ZNF716: variants seen among roughly 807,000 people sequenced by gnomAD.
The protein encoded by ZNF716 is zinc finger protein 716.
ZNF716 carries 9 observed loss-of-function variants against 13.4 expected under a neutral mutation model. That is an observed-to-expected ratio of 0.67 (90% CI 0.41 to 1.18). The LOEUF (loss-of-function observed/expected upper bound fraction) is 1.18, where lower values mean the gene tolerates loss of function less well. Among genes scored for constraint, ZNF716 ranks in the 50% most tolerant of loss-of-function variants. The pLI, the probability that ZNF716 is intolerant of heterozygous loss-of-function variation, is 0.01. For missense variants in ZNF716, 581 were observed against 576.6 expected (o/e 1.01, Z -0.08); for synonymous variants, 186 against 195.2 (o/e 0.95, Z 0.39).
intron 1 of ZNF716, among the ~76,000 whole-genome samples, chr7:57,458,755 T>C (rs1161559854): frequency 1.3e-5 from 2 of 152,338 alleles, no homozygotes; most frequent in Non-Finnish European, 2.9e-5. Context: ...TAAATAGTTA[T>C]TTAACTATAA....
intron 1 of ZNF716, among the ~76,000 whole-genome samples, chr7:57,462,101 A>ACT (rs1789715583): frequency 6.6e-6 from 1 of 151,824 alleles, no homozygotes; most frequent in Non-Finnish European, 1.5e-5. Flanking sequence ...CGGAGGTTGC[A>ACT]GTGAGCCAAT....
At chr7:57,460,130 G>A (rs1789680757) in intron 1 of ZNF716, among the ~76,000 whole-genome samples, 2 of 152,248 alleles carry the variant, frequency 1.3e-5, no homozygotes, top group Admixed American at 1.3e-4. Flanking sequence ...GCTCACGCCT[G>A]TAATCCGAGC....
chr7:57,464,115 CTTTTTTCTTT>C (rs1264318865), intron 3 of ZNF716, among the ~76,000 whole-genome samples: 1 of 110,240 alleles, frequency 9.1e-6, no homozygotes, highest in Admixed American at 1.1e-4. Context: ...TTGTCCATTT[CTTTTTTCTTT>C]TTTTTTTTTT....
chr7:57,466,838 T>G (rs1339658910), intron 3 of ZNF716, among the ~76,000 whole-genome samples: 1 of 152,112 alleles, frequency 6.6e-6, no homozygotes, highest in East Asian at 1.9e-4. Flanking sequence ...TGCTGCTATT[T>G]TAATTCTTGC....
intron 2 of ZNF716, 54 bp from the exon 3 acceptor site, chr7:57,463,019 G>C (rs1789736046): frequency 1.3e-6 from 2 of 1,591,478 alleles, no homozygotes; most frequent in Admixed American, 1.8e-5. Context: ...TACTTGTTTG[G>C]TAATTAAAGA....
chr7:57,468,399 T>C (rs1402263377), intron 3 of ZNF716, among the ~76,000 whole-genome samples: 1 of 152,172 alleles, frequency 6.6e-6, no homozygotes, highest in Admixed American at 6.5e-5. Flanking sequence ...AAAGCCAGTT[T>C]GCTCCTAAAG....
rs1401844007 is a variant in ZNF716 at position 57,470,335 on chromosome 7, TGTATTTTTA to T, written c.*390_*398del. 3 of 164,830 alleles carry T rather than the reference TGTATTTTTA, an allele frequency of 1.8e-5. No homozygotes were observed. The highest frequency in any genetic ancestry group is 2.6e-5 in the Non-Finnish European group (2 of 75,790). The allele number at this position is 164,830 out of a possible 1,614,324, so 10.2% of individuals were successfully genotyped here. A position where few individuals can be genotyped will look rare whatever the true frequency, so the allele number is the denominator to read the frequency against. On this transcript the variant is annotated 3_prime_UTR_variant, in exon 4 of 4. Coordinates refer to ENST00000420713, the MANE Select transcript of ZNF716 (RefSeq NM_001159279.1). ...ACGTGCAACCACACTGGCTGAGTTTTGTATTTTTAGTAGAGATGGGGTTTCACCATTTTG... is the reference window on the plus strand; with the variant it reads ...ACGTGCAACCACACTGGCTGAGTTTTGTAGAGATGGGGTTTCACCATTTTG...
intron 3 of ZNF716, among the ~76,000 whole-genome samples, chr7:57,465,037 TCTAG>T (rs1317903138): frequency 2.0e-5 from 3 of 152,212 alleles, no homozygotes; most frequent in African/African-American, 4.8e-5. Context: ...TGTGTGTTTC[TCTAG>T]CTATAGTTCA....
chr7:57,464,479 G>A (rs1789770447), intron 3 of ZNF716, among the ~76,000 whole-genome samples: 1 of 52,516 alleles, frequency 1.9e-5, no homozygotes, highest in Non-Finnish European at 3.4e-5. Flanking sequence ...TAGGAGTTAT[G>A]TATTCTCAAT....
In ZNF716 at chr7:57,473,428, G is replaced by C. The variant is rs1338222809; in HGVS notation, c.*3479G>C. The C allele has an allele frequency of 6.6e-6, 1 of 152,102 alleles. No individual in the cohort carries two copies. The highest frequency in any genetic ancestry group is 2.4e-5 in the African/African-American group (1 of 41,390). The allele number at this position is 152,102 out of a possible 1,614,324, so 9.4% of individuals were successfully genotyped here. The stretch of plus-strand genomic sequence containing the variant: ...CCAGTTACTCAGGAGGCTGAGGCAG[G>C]AGAATTGCTTGAACCTCGGAGGTGG... On this transcript the variant is annotated 3_prime_UTR_variant, in exon 4 of 4. Transcript: ENST00000420713.
rs1554325420 is a variant in ZNF716, at chr7:57,472,384, A to G, written c.*2435A>G. The G allele has an allele frequency of 6.6e-6, 1 of 152,174 alleles. No individual in the cohort carries two copies. 9.4% of individuals were successfully genotyped at this position (152,174 alleles called of 1,614,324 possible). A position where few individuals can be genotyped will look rare whatever the true frequency, so the allele number is the denominator to read the frequency against. ...ATTGACTCTATCGTGTCTCATCTTA[A>G]GGTTCTGCGTAAAAGATGGTGACAA... is the stretch of plus-strand genomic sequence containing the variant. On this transcript the variant is annotated 3_prime_UTR_variant, in exon 4 of 4. Transcript: ENST00000420713.
In ZNF716 at chr7:57,460,183, C is replaced by G. The variant is rs1178224337; in HGVS notation, c.40-2277C>G. On this transcript the variant is annotated intron_variant, in intron 1 of 3. Transcript: ENST00000420713. The stretch of plus-strand genomic sequence containing the variant: ...CGGGCAGATCATGAGGTTTGGAGTT[C>G]GAGACGAGCCTGACCAGCCTGACCA... 4.6e-5 allele frequency among the ~76,000 whole-genome samples: 7 copies of G among 151,808 alleles called. No homozygotes were observed. The South Asian group carries it at 1.3e-3, about 27-fold the overall frequency.
chr7:57,468,983 A>G lies in ZNF716; in HGVS notation c.522A>G (p.Arg174=), dbSNP rs782773380. The change falls in exon 4 of 4, where the codon AGA becomes AGG. Residue 174 remains arginine, a synonymous_variant. Coordinates refer to ENST00000420713, the MANE Select transcript of ZNF716 (RefSeq NM_001159279.1). ...TTGGTAAATTTTCAAATTCCAATAG[A>G]CACAAGACAAGACATACTGGAAAGA... ...KVFGKFSNSN[R]HKTRHTGKKH... is the part of the protein sequence containing the mutation. The G allele has an allele frequency of 2.5e-6, 4 of 1,608,226 alleles. No individual in the cohort carries two copies. Among genetic ancestry groups the G allele is most frequent in the Non-Finnish European group, 3.4e-6 (4 of 1,176,764 alleles).
rs1554324902 is a variant in ZNF716 at position 57,469,719 on chromosome 7, T to C, written c.1258T>C (p.Ser420Pro). The part of the protein sequence containing the change: ...CEECGKAFNC[S>P]STLKKHKIIH... ...AGAATGTGGCAAAGCCTTTAACTGC[T>C]CCTCAACCCTTAAGAAACATAAGAT... The change falls in exon 4 of 4, where the codon TCC (serine) becomes CCC (proline). Residue 420 changes from serine (S) to proline (P), a missense_variant. By Grantham distance (74) the Ser-to-Pro change is moderately conservative. Coordinates refer to ENST00000420713, the MANE Select transcript of ZNF716 (RefSeq NM_001159279.1). The C allele has an allele frequency of 1.2e-6, 2 of 1,610,504 alleles. No homozygotes were observed. Among genetic ancestry groups the C allele is most frequent in the Admixed American group, 1.7e-5 (1 of 59,768 alleles).
At chr7:57,468,628 G>T (rs1583723926) in intron 3 of ZNF716, 96 bp from the exon 4 acceptor site, 1 of 1,259,470 alleles carries the variant, frequency 7.9e-7, no homozygotes. Flanking sequence ...ATGCCATTTT[G>T]CTAATGTACT....
In ZNF716 at chr7:57,468,639, T is replaced by A. The variant is rs528103745; in HGVS notation, c.263-85T>A. The A allele has an allele frequency of 8.8e-6, 12 of 1,359,514 alleles. 1 individual carries two copies. In the South Asian group the frequency reaches 1.5e-4, roughly 17 times the overall value. 84.2% of individuals were successfully genotyped at this position (1,359,514 alleles called of 1,614,324 possible). A position where few individuals can be genotyped will look rare whatever the true frequency, so the allele number is the denominator to read the frequency against. ...TGATATGCCATTTTGCTAATGTACT[T>A]TGTATAATTTTATATATTTGATTTG... On this transcript the variant is annotated intron_variant, in intron 3 of 3. Coordinates refer to ENST00000420713, the MANE Select transcript of ZNF716 (RefSeq NM_001159279.1).
intron 1 of ZNF716, among the ~76,000 whole-genome samples, chr7:57,460,776 G>A (rs1295594495): frequency 6.6e-6 from 1 of 152,112 alleles, no homozygotes; most frequent in Non-Finnish European, 1.5e-5. Flanking sequence ...GGTTTCATCT[G>A]TGTGCTCTAT....
Position 57,469,588 on chromosome 7 carries a change from G to C in ZNF716, c.1127G>C (p.Gly376Ala). ...TLNTHKRIHTGEKPYTCEECG... is the reference protein window; with the variant it reads ...TLNTHKRIHTAEKPYTCEECG... ...AATACTCATAAGAGGATTCATACTG[G>C]AGAGAAACCCTACACTTGTGAAGAA... The change falls in exon 4 of 4, where the codon GGA becomes GCA. Residue 376 changes from glycine (G) to alanine (A), a missense_variant. Transcript: ENST00000420713. 10 of 1,612,916 alleles carry C rather than the reference G, an allele frequency of 6.2e-6. No individual in the cohort carries two copies. The highest frequency in any genetic ancestry group is 8.5e-6 in the Non-Finnish European group (10 of 1,179,630).
chr7:57,463,394 A>G (rs531305914), intron 3 of ZNF716, among the ~76,000 whole-genome samples: 1 of 152,342 alleles, frequency 6.6e-6, no homozygotes, highest in African/African-American at 2.4e-5. Flanking sequence ...TCAAGTTCAT[A>G]GTGCGAGCTA....
Sources: gnomAD v4.1 joint callset for allele counts (sites outside exome capture counted in the v4.1 genomes callset) on GRCh38, gnomAD v4.1.1 for gene constraint, MANE v1.5 for transcripts, NCBI Gene and HGNC (gene_info 2026-07-23, HGNC 2026-07-21) for gene names.